The following TMA16 variants were observed in gnomAD, a reference collection of about 807,000 sequenced individuals.
TMA16 encodes the protein translation machinery-associated protein 16.
A neutral mutation model predicts 27.1 loss-of-function variants in TMA16; 26 were observed. The observed-to-expected ratio is 0.96, with a 90% CI of 0.70 to 1.33. The LOEUF (loss-of-function observed/expected upper bound fraction) is 1.33, where lower values mean the gene tolerates loss of function less well. TMA16 is among the 40% of genes most tolerant of loss of function. The pLI is 0.00. For synonymous variants in TMA16, 71 were observed against 81.9 expected (o/e 0.87, Z 0.72); for missense variants, 233 against 241.4 (o/e 0.97, Z 0.23).
intron 4 of TMA16, among the ~76,000 whole-genome samples, chr4:163,515,095 T>C (rs1283757129): frequency 6.6e-6 from 1 of 151,926 alleles, no homozygotes; most frequent in African/African-American, 2.4e-5. Flanking sequence ...AATGTGAGGG[T>C]CTGCAGTTTG....
chr4:163,502,266 G>A (rs1490205109), intron 1 of TMA16, among the ~76,000 whole-genome samples: 1 of 152,116 alleles, frequency 6.6e-6, no homozygotes, highest in African/African-American at 2.4e-5. Flanking sequence ...GCACCATCAT[G>A]AGCTATTTTA....
chr4:163,504,017 G>A (rs1047679333), intron 1 of TMA16, among the ~76,000 whole-genome samples: 3 of 152,100 alleles, frequency 2.0e-5, no homozygotes, highest in African/African-American at 4.8e-5. Flanking sequence ...AGCCAAGATC[G>A]TATAAAGCTA....
rs376439155 is a variant in TMA16 at position 163,512,212 on chromosome 4, T to C, written c.117-610T>C. 5.9e-5 allele frequency among the ~76,000 whole-genome samples: 9 copies of C among 152,158 alleles called. No individual in the cohort carries two copies. In the East Asian group the frequency reaches 7.7e-4, roughly 13 times the overall value. On this transcript the variant is annotated intron_variant, in intron 2 of 6. Coordinates refer to ENST00000358572, the MANE Select transcript of TMA16 (RefSeq NM_018352.3). ...TTCAGGACAGGGACAGTGAATTTTT[T>C]TTGTTCATGGCTGTATCCTTTGGGG...
In TMA16 at chr4:163,519,846, GA is replaced by G; in HGVS notation, c.*335del. 1 of 516,270 alleles carries G rather than the reference GA, an allele frequency of 1.9e-6. No homozygotes were observed. Among genetic ancestry groups the G allele is most frequent in the Non-Finnish European group, 3.4e-6 (1 of 292,070 alleles). 32.0% of individuals were successfully genotyped at this position (516,270 alleles called of 1,614,324 possible). On this transcript the variant is annotated 3_prime_UTR_variant, in exon 7 of 7. Transcript: ENST00000358572. ...ATGATCACCTAATTTCACGTTTTGT[GA>G]AATGGACAGTAACCTGTTTCCTGAA...
Position 163,515,731 on chromosome 4 carries a change from C to T in TMA16, c.388+270C>T, listed in dbSNP as rs919440025. ...TTACTTTCACATTGATCTTGTCAAC[C>T]CTAACTTGTCTCCAGAACTCCAAAT... On this transcript the variant is annotated intron_variant, in intron 5 of 6. Coordinates refer to ENST00000358572, the MANE Select transcript of TMA16 (RefSeq NM_018352.3). 3 of 263,756 alleles carry T rather than the reference C, an allele frequency of 1.1e-5. No individual in the cohort carries two copies. The Admixed American group carries it at 1.5e-4, about 13-fold the overall frequency. 16.3% of individuals were successfully genotyped at this position (263,756 alleles called of 1,614,324 possible).
intron 4 of TMA16, 145 bp from the exon 5 acceptor site, chr4:163,515,168 A>C (rs1737855709): frequency 2.7e-6 from 2 of 753,666 alleles, no homozygotes; most frequent in South Asian, 4.8e-5. Flanking sequence ...GGGAATGGGT[A>C]AAAGAGGTTT....
chr4:163,495,868 C>T (rs1338111730), intron 1 of TMA16, among the ~76,000 whole-genome samples: 1 of 152,158 alleles, frequency 6.6e-6, no homozygotes, highest in Non-Finnish European at 1.5e-5. Flanking sequence ...TGTGTAAATT[C>T]AGTGTTTGCT....
intron 1 of TMA16, among the ~76,000 whole-genome samples, chr4:163,500,818 T>G (rs1256487443): frequency 6.6e-6 from 1 of 152,238 alleles, no homozygotes; most frequent in Non-Finnish European, 1.5e-5. Context: ...TGTTTTTCAC[T>G]TCTTATAAAA....
At chr4:163,504,586 C>T (rs1373962256) in intron 1 of TMA16, among the ~76,000 whole-genome samples, 1 of 152,304 alleles carries the variant, frequency 6.6e-6, no homozygotes, top group African/African-American at 2.4e-5. Flanking sequence ...CAGTCTCCAC[C>T]TCCGTAGTTC....
intron 1 of TMA16, 165 bp downstream of exon 1, chr4:163,494,969 C>G: frequency 9.9e-7 from 1 of 1,008,834 alleles, no homozygotes; most frequent in Non-Finnish European, 1.4e-6. Flanking sequence ...CTCTGGGAGG[C>G]GAGTCCCAGG....
At position 163,496,363 on chromosome 4, in the gene TMA16, G is replaced by A. The variant is rs559302913; in HGVS notation, c.3+1559G>A. 7.2e-5 allele frequency among the ~76,000 whole-genome samples: 11 copies of A among 152,220 alleles called. 1 individual carries two copies. In the South Asian group the frequency reaches 2.1e-3, roughly 29 times the overall value. On this transcript the variant is annotated intron_variant, in intron 1 of 6. Transcript: ENST00000358572. ...GTCTAGTGCCTGGCACTTAGTAAAT[G>A]TTATTGTTATTAACTTTAGTTATAT...
chr4:163,502,308 A>G (rs971844772), intron 1 of TMA16, among the ~76,000 whole-genome samples: 2 of 152,166 alleles, frequency 1.3e-5, no homozygotes, highest in African/African-American at 4.8e-5. Context: ...ACCTCACACT[A>G]TTTTAAAGAA....
In TMA16 at chr4:163,519,323, C is replaced by CT; in HGVS notation, c.432-7dup. ...CACTCTGCACTCTTTTTTTTTTTTC[C>CT]TTTTGTCTAGGGAATGGGACTTTGA... On this transcript the variant is annotated splice_polypyrimidine_tract_variant and intron_variant, in intron 6 of 6. Transcript: ENST00000358572. The CT allele has an allele frequency of 6.7e-7, 1 of 1,491,648 alleles. No homozygotes were observed. The highest frequency in any genetic ancestry group is 8.9e-7 in the Non-Finnish European group (1 of 1,124,926). 92.4% of individuals were successfully genotyped at this position (1,491,648 alleles called of 1,614,324 possible).
In TMA16 at chr4:163,500,594, A is replaced by G. The variant is rs531593457; in HGVS notation, c.3+5790A>G. ...GGTGGTTGGTGGATTGACTCAAACA[A>G]GACAGTGCCTTCTTTCTTGCTGTAT... On this transcript the variant is annotated intron_variant, in intron 1 of 6. Transcript: ENST00000358572. Among the ~76,000 whole-genome samples the G allele has an allele frequency of 1.6e-4, 24 of 152,310 alleles. No individual in the cohort carries two copies. The East Asian group carries it at 3.5e-3, about 22-fold the overall frequency.
chr4:163,514,187 G>C, intron 4 of TMA16, 29 bp downstream of exon 4: 1 of 1,547,808 alleles, frequency 6.5e-7, no homozygotes, highest in East Asian at 2.3e-5. Flanking sequence ...ATGAGCAAAG[G>C]GTCAGAAAAG....
At chr4:163,518,982 T>C (rs1288663258) in intron 6 of TMA16, among the ~76,000 whole-genome samples, 1 of 152,100 alleles carries the variant, frequency 6.6e-6, no homozygotes, top group Non-Finnish European at 1.5e-5. Context: ...AACTGAAAAT[T>C]TTCCATTATA....
chr4:163,516,289 C>T (rs1737875962), intron 5 of TMA16, among the ~76,000 whole-genome samples: 1 of 152,196 alleles, frequency 6.6e-6, no homozygotes, highest in Admixed American at 6.5e-5. Flanking sequence ...GTCCGTTTCC[C>T]TTTGGGGAAA....
intron 5 of TMA16, 26 bp from the exon 6 acceptor site, chr4:163,517,408 T>C: frequency 6.3e-7 from 1 of 1,593,956 alleles, no homozygotes; most frequent in Non-Finnish European, 8.6e-7. Flanking sequence ...CATTGCCTCA[T>C]GGAGATAAAT....
chr4:163,516,839 T>G (rs1316930214), intron 5 of TMA16, among the ~76,000 whole-genome samples: 2 of 152,208 alleles, frequency 1.3e-5, no homozygotes, highest in Non-Finnish European at 2.9e-5. Context: ...AAATTCTACC[T>G]TGTGAAGGCA....
Sources: gnomAD v4.1 joint callset for allele counts (sites outside exome capture counted in the v4.1 genomes callset) on GRCh38, gnomAD v4.1.1 for gene constraint, MANE v1.5 for transcripts, NCBI Gene and HGNC (gene_info 2026-07-23, HGNC 2026-07-21) for gene names.